Variants in KLHL1 observed in about 807,000 individuals in gnomAD.
KLHL1 encodes the protein kelch like family member 1.
Under a neutral mutation model 77.7 loss-of-function variants are expected in KLHL1, and 47 were observed. The observed-to-expected ratio is 0.60, with a 90% CI of 0.48 to 0.77. KLHL1 has a LOEUF of 0.77. Ranked by LOEUF, KLHL1 falls within the 30% of genes least tolerant of loss-of-function variation. KLHL1 has a pLI of 0.00. For missense variants in KLHL1, 925 were observed against 910.8 expected (o/e 1.02, Z -0.20); for synonymous variants, 360 against 325.2 (o/e 1.11, Z -1.15).
chr13:69,719,604 G>A, intron 8 of KLHL1, 23 bp from the exon 9 acceptor site: 1 of 1,577,514 alleles, frequency 6.3e-7, no homozygotes, highest in Non-Finnish European at 8.7e-7. Context: ...TTGGAAAAAT[G>A]TGATTTAATA....
rs1457835352 is a variant in KLHL1 at position 69,785,155 on chromosome 13, G to A, written c.1639+11583C>T. Among the ~76,000 whole-genome samples, 7 of 152,090 alleles carry A rather than the reference G, an allele frequency of 4.6e-5. No homozygotes were observed. The East Asian group carries it at 1.4e-3, about 30-fold the overall frequency. On this transcript the variant is annotated intron_variant, in intron 7 of 10. Transcript: ENST00000377844. Reference sequence around the variant, plus strand: ...GATCCGCCCGCCTTGGCCTCCCAAAGTGCTGGGATTACAGGCGTGAGCCAC... The same window carrying A: ...GATCCGCCCGCCTTGGCCTCCCAAAATGCTGGGATTACAGGCGTGAGCCAC...
intron 8 of KLHL1, among the ~76,000 whole-genome samples, chr13:69,728,345 G>T (rs982506383): frequency 6.6e-6 from 1 of 152,020 alleles, no homozygotes; most frequent in Non-Finnish European, 1.5e-5. Context: ...TCCTGCTTTC[G>T]TAATGCTTTA....
rs1187326035 is a variant in KLHL1 at position 69,747,486 on chromosome 13, A to G, written c.1640-6930T>C. Among the ~76,000 whole-genome samples, 3 of 152,056 alleles carry G rather than the reference A, an allele frequency of 2.0e-5. No homozygotes were observed. The South Asian group carries it at 6.2e-4, about 31-fold the overall frequency. On this transcript the variant is annotated intron_variant, in intron 7 of 10. Coordinates refer to ENST00000377844, the MANE Select transcript of KLHL1 (RefSeq NM_020866.3). Reference sequence around the variant, plus strand: ...TGAAGATGATAAGAATTAATATGTAAAACACTTAGAACAGAATCGGATTCA... The same window carrying G: ...TGAAGATGATAAGAATTAATATGTAGAACACTTAGAACAGAATCGGATTCA...
At chr13:69,813,240 C>A (rs556305113) in intron 6 of KLHL1, among the ~76,000 whole-genome samples, 1 of 151,594 alleles carries the variant, frequency 6.6e-6, no homozygotes, top group Non-Finnish European at 1.5e-5. Context: ...AAACAAACAC[C>A]GCATGTTCTC....
At chr13:69,946,855 T>G (rs952112082) in intron 3 of KLHL1, among the ~76,000 whole-genome samples, 2 of 151,466 alleles carry the variant, frequency 1.3e-5, no homozygotes, top group African/African-American at 4.9e-5. Flanking sequence ...AACATGATTA[T>G]AGTCATGACA....
intron 1 of KLHL1, among the ~76,000 whole-genome samples, chr13:70,102,211 G>A (rs1330315064): frequency 1.3e-5 from 2 of 152,066 alleles, no homozygotes; most frequent in Non-Finnish European, 2.9e-5. Context: ...TTAATGGTGT[G>A]TGCTCTCTTT....
intron 6 of KLHL1, among the ~76,000 whole-genome samples, chr13:69,807,646 C>T (rs1877672509): frequency 6.6e-6 from 1 of 152,118 alleles, no homozygotes; most frequent in Admixed American, 6.5e-5. Flanking sequence ...GTGGCAATGG[C>T]AGGCATTTTA....
chr13:70,095,737 A>G (rs865886656), intron 1 of KLHL1, among the ~76,000 whole-genome samples: 14 of 152,186 alleles, frequency 9.2e-5, no homozygotes, highest in Middle Eastern at 3.4e-3. Flanking sequence ...ATTATTGTTA[A>G]CTATAGTCAT....
At position 69,973,045 on chromosome 13, in the gene KLHL1, G is replaced by A. The variant is rs181499135; in HGVS notation, c.680+2575C>T. Among the ~76,000 whole-genome samples, 250 of 151,952 alleles carry A rather than the reference G, an allele frequency of 1.6e-3. 1 individual carries two copies. Among genetic ancestry groups the A allele is most frequent in the African/African-American group, 5.7e-3 (238 of 41,524 alleles). On this transcript the variant is annotated intron_variant, in intron 2 of 10. Transcript: ENST00000377844. ...ATATTCCTCTTAGGATTTCCTTCAA[G>A]GCCTAAAGCACAAATGAGTTCAGAA...
intron 4 of KLHL1, among the ~76,000 whole-genome samples, chr13:69,939,720 G>T (rs2138299839): frequency 6.6e-6 from 1 of 152,162 alleles, no homozygotes. Flanking sequence ...GGGAGGGCCT[G>T]GAGCCTATGC....
At chr13:69,859,345 G>T (rs1880046965) in intron 5 of KLHL1, among the ~76,000 whole-genome samples, 1 of 151,024 alleles carries the variant, frequency 6.6e-6, no homozygotes, top group South Asian at 2.1e-4. Flanking sequence ...TTTGTTTTTG[G>T]CTGGGTCTAG....
At chr13:69,798,563 A>T (rs1285716464) in intron 6 of KLHL1, among the ~76,000 whole-genome samples, 2 of 152,070 alleles carry the variant, frequency 1.3e-5, no homozygotes, top group Admixed American at 1.3e-4. Context: ...CACAAAAGTT[A>T]TTCAATACTG....
chr13:69,918,089 T>G (rs2138258364), intron 4 of KLHL1, among the ~76,000 whole-genome samples: 1 of 152,242 alleles, frequency 6.6e-6, no homozygotes, highest in Non-Finnish European at 1.5e-5. Context: ...ATGTGGTATT[T>G]CACTTTACCT....
At chr13:70,054,807 G>C (rs115469576) in intron 1 of KLHL1, among the ~76,000 whole-genome samples, 3,406 of 40,006 alleles carry the variant, frequency 0.085, 79 homozygotes, top group African/African-American at 0.16. Context: ...TCTCTTAACA[G>C]TAAAATTGAT....
chr13:69,891,137 G>A (rs1881413280), intron 4 of KLHL1, among the ~76,000 whole-genome samples: 1 of 151,918 alleles, frequency 6.6e-6, no homozygotes, highest in Non-Finnish European at 1.5e-5. Context: ...TACATGTTTT[G>A]TTATCATACG....
At chr13:69,990,369 G>T (rs796601988) in intron 1 of KLHL1, among the ~76,000 whole-genome samples, 2 of 152,006 alleles carry the variant, frequency 1.3e-5, no homozygotes, top group African/African-American at 4.8e-5. Flanking sequence ...AAAAGGCAAA[G>T]AGTGGCAAGC....
At chr13:69,802,429 G>A (rs1178849683) in intron 6 of KLHL1, among the ~76,000 whole-genome samples, 1 of 151,998 alleles carries the variant, frequency 6.6e-6, no homozygotes, top group African/African-American at 2.4e-5. Context: ...GGGGATAAGG[G>A]AGGAGACCAT....
intron 7 of KLHL1, among the ~76,000 whole-genome samples, chr13:69,773,335 A>G (rs1412298997): frequency 2.6e-5 from 4 of 152,094 alleles, no homozygotes; most frequent in African/African-American, 7.2e-5. Flanking sequence ...ATGAATAGTC[A>G]GAAAGTCTGA....
chr13:69,943,058 T>G (rs1883412690), intron 3 of KLHL1, among the ~76,000 whole-genome samples: 1 of 152,230 alleles, frequency 6.6e-6, no homozygotes, highest in Non-Finnish European at 1.5e-5. Flanking sequence ...GGACTTATAT[T>G]ATTTCCCCTT....
Sources: allele counts gnomAD v4.1 joint callset (sites outside exome capture counted in the v4.1 genomes callset), GRCh38; gene constraint gnomAD v4.1.1; transcripts MANE v1.5; gene names NCBI Gene and HGNC (gene_info 2026-07-23, HGNC 2026-07-21).